TIAM2: variants seen among roughly 807,000 people sequenced by gnomAD.
The protein encoded by TIAM2 is TIAM Rac1 associated GEF 2, also known as rho guanine nucleotide exchange factor TIAM2.
TIAM2 carries 80 observed loss-of-function variants against 152.9 expected under a neutral mutation model. That is an observed-to-expected ratio of 0.52 (90% CI 0.44 to 0.63). The LOEUF (loss-of-function observed/expected upper bound fraction) is 0.63. Ranked by LOEUF, TIAM2 falls within the 30% of genes least tolerant of loss-of-function variation. The pLI is 0.00. For missense variants in TIAM2, 1,965 were observed against 2,120.1 expected (o/e 0.93, Z 1.44); for synonymous variants, 804 against 838.0 (o/e 0.96, Z 0.70).
chr6:155,146,494 A>C (rs1779821599), intron 6 of TIAM2, among the ~76,000 whole-genome samples: 1 of 152,182 alleles, frequency 6.6e-6, no homozygotes. Flanking sequence ...ATCAAGAGAA[A>C]TGAAAGTACT....
intron 15 of TIAM2, among the ~76,000 whole-genome samples, chr6:155,223,162 T>G (rs1205517241): frequency 6.6e-6 from 1 of 152,214 alleles, no homozygotes; most frequent in Non-Finnish European, 1.5e-5. Flanking sequence ...AGTCTTACGA[T>G]GTTTATTCAC....
chr6:155,212,969 G>A (rs1781759369), intron 15 of TIAM2, among the ~76,000 whole-genome samples: 1 of 152,198 alleles, frequency 6.6e-6, no homozygotes, highest in African/African-American at 2.4e-5. Flanking sequence ...GCCTGCATCA[G>A]TACCTGGAAG....
At chr6:155,133,961 C>A (rs534064016) in intron 4 of TIAM2, among the ~76,000 whole-genome samples, 1 of 152,278 alleles carries the variant, frequency 6.6e-6, no homozygotes, top group South Asian at 2.1e-4. Context: ...AGGTGATCCA[C>A]CCTCCTCGGC....
intron 1 of TIAM2, among the ~76,000 whole-genome samples, chr6:155,058,133 A>G (rs1013685770): frequency 2.6e-5 from 4 of 152,114 alleles, no homozygotes; most frequent in African/African-American, 9.7e-5. Context: ...CCATTTCTCC[A>G]AGGAGCCCTG....
chr6:155,226,375 A>T (rs1447445212), intron 15 of TIAM2, among the ~76,000 whole-genome samples: 1 of 152,148 alleles, frequency 6.6e-6, no homozygotes, highest in African/African-American at 2.4e-5. Context: ...GAAACAAAAG[A>T]TTGCTGATGG....
chr6:155,165,374 A>G lies in TIAM2; in HGVS notation c.2326A>G (p.Arg776Gly). The change falls in exon 9 of 27, where the codon AGA becomes GGA. Residue 776 changes from arginine (R) to glycine (G), a missense_variant. Arg to Gly is a moderately radical substitution (Grantham distance 125, BLOSUM62 -2). Around this residue, in one of 3 missense-constraint regions of TIAM2, gnomAD observed 1,025 missense variants for 1,119.4 expected, o/e 0.92. Transcript: ENST00000682666. Reference protein sequence around the residue: ...SSLKGLDTLARKGKEKRPSIT... With the variant: ...SSLKGLDTLAGKGKEKRPSIT... ...GTTAAAAGGGCTGGACACACTGGCC[A>G]GAAAAGGCAAGGAGAAGAGACCTTC... The G allele has an allele frequency of 6.2e-7, 1 of 1,614,104 alleles. No individual in the cohort carries two copies. Among genetic ancestry groups the G allele is most frequent in the Non-Finnish European group, 8.5e-7 (1 of 1,180,012 alleles).
intron 1 of TIAM2, among the ~76,000 whole-genome samples, chr6:155,061,683 A>T (rs1301891152): frequency 1.3e-5 from 2 of 152,138 alleles, no homozygotes; most frequent in African/African-American, 4.8e-5. Flanking sequence ...AGTGGGTTCC[A>T]GAGTTATTTA....
At chr6:155,235,229 G>A (rs1177468495) in intron 15 of TIAM2, among the ~76,000 whole-genome samples, 3 of 152,324 alleles carry the variant, frequency 2.0e-5, no homozygotes, top group East Asian at 3.9e-4. Context: ...CGGCAAACAC[G>A]AGTTTCCTTT....
chr6:155,130,506 G>A, intron 4 of TIAM2, 89 bp downstream of exon 4: 1 of 1,257,026 alleles, frequency 8.0e-7, no homozygotes, highest in Non-Finnish European at 1.1e-6. Context: ...ATAGAGTGTT[G>A]TCGGGGTGCT....
Position 155,109,228 on chromosome 6 carries a change from C to T in TIAM2, c.-117-18262C>T, listed in dbSNP as rs568738447. On this transcript the variant is annotated intron_variant, in intron 2 of 26. Transcript: ENST00000682666. Reference sequence around the variant, plus strand: ...CTTGATCTCCTGACGTCATGATCCGCCCGCCTCGGCCTCCCAAAGTGCTGG... The same window carrying T: ...CTTGATCTCCTGACGTCATGATCCGTCCGCCTCGGCCTCCCAAAGTGCTGG... Among the ~76,000 whole-genome samples, 7 of 152,286 alleles carry T rather than the reference C, an allele frequency of 4.6e-5. No individual in the cohort carries two copies. The South Asian group carries it at 8.3e-4, about 18-fold the overall frequency.
chr6:155,074,984 CTCGATGCAAT>C (rs1204300070), intron 1 of TIAM2, among the ~76,000 whole-genome samples: 1 of 151,182 alleles, frequency 6.6e-6, no homozygotes, highest in Non-Finnish European at 1.5e-5. Flanking sequence ...GTGAATGGGT[CTCGATGCAAT>C]TCTGGATAAG....
chr6:155,134,577 T>A (rs1779516072), intron 4 of TIAM2, among the ~76,000 whole-genome samples: 1 of 152,154 alleles, frequency 6.6e-6, no homozygotes, highest in Non-Finnish European at 1.5e-5. Context: ...GTCATGGCCC[T>A]TGCAGGGTAT....
chr6:155,076,564 TAACTG>T (rs1336969024), intron 1 of TIAM2, among the ~76,000 whole-genome samples: 1 of 152,182 alleles, frequency 6.6e-6, no homozygotes, highest in Non-Finnish European at 1.5e-5. Context: ...TCTAATTTGT[TAACTG>T]AGAGAGGTGG....
intron 1 of TIAM2, among the ~76,000 whole-genome samples, chr6:155,085,784 G>T (rs886877275): frequency 6.6e-6 from 1 of 152,250 alleles, no homozygotes; most frequent in African/African-American, 2.4e-5. Flanking sequence ...TGGTTTTCAT[G>T]CTGATAAAAG....
chr6:155,139,003 C>T (rs887933993), intron 5 of TIAM2, among the ~76,000 whole-genome samples: 4 of 152,178 alleles, frequency 2.6e-5, no homozygotes, highest in Non-Finnish European at 4.4e-5. Flanking sequence ...GCAGATGCAC[C>T]CAGAGCGGCC....
intron 7 of TIAM2, among the ~76,000 whole-genome samples, chr6:155,162,494 T>C (rs1219782231): frequency 6.6e-6 from 1 of 152,250 alleles, no homozygotes; most frequent in Non-Finnish European, 1.5e-5. Context: ...TAGTTTTTAC[T>C]GAACCTTAAG....
rs1002078813 is a variant in TIAM2, at chr6:155,257,211, A to C, written c.*90A>C. The C allele has an allele frequency of 1.1e-5, 12 of 1,125,938 alleles. No homozygotes were observed. Among genetic ancestry groups the C allele is most frequent in the East Asian group, 2.7e-5 (1 of 36,516 alleles). 69.7% of individuals were successfully genotyped at this position (1,125,938 alleles called of 1,614,324 possible). On this transcript the variant is annotated 3_prime_UTR_variant, in exon 27 of 27. Coordinates refer to ENST00000682666, the MANE Select transcript of TIAM2 (RefSeq NM_012454.4). ...ATTGCAAAAAAAAAAAAAAAAAAAAACTGTTCATTCCTGGGTTTTGTGCAG... is the reference window on the plus strand; with the variant it reads ...ATTGCAAAAAAAAAAAAAAAAAAAACCTGTTCATTCCTGGGTTTTGTGCAG...
chr6:155,088,769 C>T (rs1171728220), intron 1 of TIAM2, among the ~76,000 whole-genome samples: 3 of 152,182 alleles, frequency 2.0e-5, no homozygotes, highest in Admixed American at 1.3e-4. Context: ...AACACAAATT[C>T]GTAAAATTTC....
chr6:155,045,050 C>CTTTTTTTTTTTTTTTTT (rs200620585), intron 1 of TIAM2, among the ~76,000 whole-genome samples: 1 of 132,054 alleles, frequency 7.6e-6, no homozygotes, highest in Non-Finnish European at 1.6e-5. Flanking sequence ...TTTTCTTTTT[C>CTTTTTTTTTTTTTTTTT]TTTTTTTTTT....
Sources: allele counts gnomAD v4.1 joint callset (sites outside exome capture counted in the v4.1 genomes callset), GRCh38; gene constraint gnomAD v4.1.1; regional missense constraint gnomAD v4.1.1; transcripts MANE v1.5; gene names NCBI Gene and HGNC (gene_info 2026-07-23, HGNC 2026-07-21).